Variants in PREPL observed in about 807,000 individuals in gnomAD.
The protein encoded by PREPL is prolyl endopeptidase-like.
Under a neutral mutation model 70.6 loss-of-function variants are expected in PREPL, and 77 were observed. The observed-to-expected ratio is 1.09, with a 90% CI of 0.91 to 1.32. The LOEUF (loss-of-function observed/expected upper bound fraction) is 1.32, where lower values mean the gene tolerates loss of function less well. PREPL is among the 40% of genes most tolerant of loss of function. The pLI is 0.00. For synonymous variants in PREPL, 315 were observed against 264.8 expected (o/e 1.19, Z -1.84); for missense variants, 1,002 against 778.2 (o/e 1.29, Z -3.42).
Position 44,332,596 on chromosome 2 carries a change from A to T in PREPL, c.949T>A (p.Phe317Ile). 4 of 1,613,998 alleles carry T rather than the reference A, an allele frequency of 2.5e-6. No individual in the cohort carries two copies. Among genetic ancestry groups the T allele is most frequent in the Non-Finnish European group, 3.4e-6 (4 of 1,179,874 alleles). The part of the protein sequence containing the change: ...DTNSDPKNCP[F>I]QLCSPIRPPK... ...GGACGTATTGGAGAGCAAAGTTGAAAGGGGCAGTTCTTTGGGTCAGAATTT... is the reference window on the plus strand; with the variant it reads ...GGACGTATTGGAGAGCAAAGTTGAATGGGGCAGTTCTTTGGGTCAGAATTT... Residue 317 changes from phenylalanine (F) to isoleucine (I), a missense_variant, in exon 8 of 14, where the codon TTT (phenylalanine) becomes ATT (isoleucine). Physicochemically the swap from Phe to Ile is conservative, Grantham distance 21 (BLOSUM62 0). Coordinates refer to ENST00000409411, the MANE Select transcript of PREPL (RefSeq NM_001171613.2).
rs1265200867 is a variant in PREPL, at chr2:44,326,796, G to T, written c.1395C>A (p.Thr465=). ...CCCCTCCAGCACTGAAAGCAGTCAG[G>T]GTTGTTAGACTTGGCTGAGAAAAGC... ...GQGFSQPSLT[T]LTAFSAGGVL... The change falls in exon 10 of 14, where the codon ACC becomes ACA. Residue 465 remains threonine (T), a synonymous_variant. Coordinates refer to ENST00000409411, the MANE Select transcript of PREPL (RefSeq NM_001171613.2). 1 of 1,614,130 alleles carries T rather than the reference G, an allele frequency of 6.2e-7. No homozygotes were observed. The highest frequency in any genetic ancestry group is 1.7e-5 in the Admixed American group (1 of 60,020).
In PREPL at chr2:44,327,331, T is replaced by C. The variant is rs184634560; in HGVS notation, c.1263-403A>G. ...CGACTTACCCAGCAATGTGGTGTCATTGCTACAATACAAGTGTATTTAAGG... is the reference window on the plus strand; with the variant it reads ...CGACTTACCCAGCAATGTGGTGTCACTGCTACAATACAAGTGTATTTAAGG... On this transcript the variant is annotated intron_variant, in intron 9 of 13. Transcript: ENST00000409411. 1.6e-3 allele frequency among the ~76,000 whole-genome samples: 237 copies of C among 152,260 alleles called. No homozygotes were observed. In the Middle Eastern group the frequency reaches 0.02, roughly 13 times the overall value.
chr2:44,352,183 A>C (rs1320742869), intron 1 of PREPL, among the ~76,000 whole-genome samples: 5 of 152,088 alleles, frequency 3.3e-5, no homozygotes, highest in Non-Finnish European at 5.9e-5. Context: ...CTGCCTATTC[A>C]CATCTTCCCC....
intron 2 of PREPL, among the ~76,000 whole-genome samples, chr2:44,345,249 A>T: frequency 6.6e-6 from 1 of 152,188 alleles, no homozygotes; most frequent in East Asian, 1.9e-4. Flanking sequence ...GCGTAATTTG[A>T]ATCTGGAGAT....
At chr2:44,321,804 C>G (rs1314890323) in intron 13 of PREPL, 23 bp downstream of exon 13, 3 of 1,613,706 alleles carry the variant, frequency 1.9e-6, no homozygotes, top group Non-Finnish European at 2.5e-6. Flanking sequence ...AATCTGTCCA[C>G]TGAGAGGGCC....
At chr2:44,359,559 G>C (rs1558526167) in intron 1 of PREPL, 1 of 1,613,438 alleles carries the variant, frequency 6.2e-7, no homozygotes, top group Admixed American at 1.7e-5. Flanking sequence ...GGTTTATTCT[G>C]AAGACACTTG....
intron 9 of PREPL, among the ~76,000 whole-genome samples, chr2:44,328,293 A>ACAGTGTG (rs1673731907): frequency 7.8e-6 from 1 of 127,550 alleles, no homozygotes; most frequent in Non-Finnish European, 1.7e-5. Flanking sequence ...AAAAATTCAG[A>ACAGTGTG]CAGTGTGGTG....
At chr2:44,342,355 A>G in intron 5 of PREPL, 62 bp downstream of exon 5, 1 of 1,426,946 alleles carries the variant, frequency 7.0e-7, no homozygotes. Flanking sequence ...AACCAAAGTC[A>G]GTACTTTAAA....
At chr2:44,340,889 C>T (rs549524803) in intron 5 of PREPL, among the ~76,000 whole-genome samples, 10 of 149,620 alleles carry the variant, frequency 6.7e-5, no homozygotes, top group Non-Finnish European at 7.4e-5. Context: ...GATTGCGCCA[C>T]TGCACTCCAG....
At position 44,344,503 on chromosome 2, in the gene PREPL, G is replaced by C. The variant is rs762928182; in HGVS notation, c.142+17C>G. 1.2e-5 allele frequency: 19 copies of C among 1,532,862 alleles called. No homozygotes were observed. Among genetic ancestry groups the C allele is most frequent in the Non-Finnish European group, 1.7e-5 (19 of 1,139,548 alleles). 95.0% of individuals were successfully genotyped at this position (1,532,862 alleles called of 1,614,324 possible). A position where few individuals can be genotyped will look rare whatever the true frequency, so the allele number is the denominator to read the frequency against. ...ATCTGAAAATTAGAGCACGTAAAAA[G>C]AAAAATTGTGGTGTACCTTCTTCAT... On this transcript the variant is annotated intron_variant, in intron 3 of 13. Transcript: ENST00000409411.
chr2:44,345,624 A>G (rs1021178372), intron 2 of PREPL, among the ~76,000 whole-genome samples: 2 of 152,208 alleles, frequency 1.3e-5, no homozygotes, highest in African/African-American at 4.8e-5. Flanking sequence ...CTGGGATTAC[A>G]GGCGTGAGCC....
chr2:44,323,268 T>C lies in PREPL; in HGVS notation c.1623A>G (p.Lys541=), dbSNP rs768191033. Residue 541 remains lysine, a synonymous_variant, in exon 11 of 14, where the codon AAA becomes AAG. Transcript: ENST00000409411. ...CACAATTGTCTTTCACTACCTGAGGTTTAATATTTTGATAGGGACAGTAAC... is the reference window on the plus strand; with the variant it reads ...CACAATTGTCTTTCACTACCTGAGGCTTAATATTTTGATAGGGACAGTAAC... ...IKRYCPYQNI[K]PQHYPSIHIT... 5.6e-6 allele frequency: 9 copies of C among 1,597,908 alleles called. No individual in the cohort carries two copies. In the Admixed American group the frequency reaches 1.4e-4, roughly 25 times the overall value.
chr2:44,353,034 C>T (rs894997869), intron 1 of PREPL, among the ~76,000 whole-genome samples: 27 of 151,036 alleles, frequency 1.8e-4, no homozygotes, highest in Non-Finnish European at 5.9e-5. Flanking sequence ...ATTGCTTGAG[C>T]CCAAGAGCTT....
At position 44,319,544 on chromosome 2, in the gene PREPL, T is replaced by C. The variant is rs1672744912; in HGVS notation, c.*1812A>G. 6.6e-6 allele frequency: 1 copy of C among 152,468 alleles called. No individual in the cohort carries two copies. Among genetic ancestry groups the C allele is most frequent in the Admixed American group, 6.5e-5 (1 of 15,284 alleles). 9.4% of individuals were successfully genotyped at this position (152,468 alleles called of 1,614,324 possible). On this transcript the variant is annotated 3_prime_UTR_variant, in exon 14 of 14. Transcript: ENST00000409411. ...CAATAACAGAAAATGCTTGAAAGGT[T>C]AGAAGTACATCATCAAATTATGTTT...
chr2:44,321,537 A>G, intron 13 of PREPL, 92 bp from the exon 14 acceptor site: 1 of 1,528,272 alleles, frequency 6.5e-7, no homozygotes, highest in South Asian at 1.2e-5. Flanking sequence ...TCTTTACCTA[A>G]CCGTGAAGTC....
intron 5 of PREPL, 66 bp from the exon 6 acceptor site, chr2:44,339,429 A>G: frequency 6.3e-7 from 1 of 1,578,900 alleles, no homozygotes; most frequent in Non-Finnish European, 8.6e-7. Context: ...TGTTAAGGAC[A>G]GTATCTCAGA....
At chr2:44,321,533 C>G (rs1315549404) in intron 13 of PREPL, 88 bp from the exon 14 acceptor site, 1 of 1,539,830 alleles carries the variant, frequency 6.5e-7, no homozygotes, top group African/African-American at 1.4e-5. Flanking sequence ...TCCATCTTTA[C>G]CTAACCGTGA....
chr2:44,321,306 G>C lies in PREPL; in HGVS notation c.*50C>G, dbSNP rs1407191201. On this transcript the variant is annotated 3_prime_UTR_variant, in exon 14 of 14. Transcript: ENST00000409411. ...TTTTTGCTAACTCAATTGGAAGTAA[G>C]ACTATGAAATATTTCAGTGTGTTTC... 2.1e-6 allele frequency: 3 copies of C among 1,416,204 alleles called. No homozygotes were observed. Among genetic ancestry groups the C allele is most frequent in the Non-Finnish European group, 3.0e-6 (3 of 1,014,858 alleles). 87.7% of individuals were successfully genotyped at this position (1,416,204 alleles called of 1,614,324 possible). A position where few individuals can be genotyped will look rare whatever the true frequency, so the allele number is the denominator to read the frequency against.
intron 8 of PREPL, among the ~76,000 whole-genome samples, chr2:44,329,653 C>T (rs1035080486): frequency 3.3e-5 from 5 of 152,042 alleles, no homozygotes; most frequent in African/African-American, 1.2e-4. Context: ...TCTTCAAAGG[C>T]CCATTTAACT....
Sources: allele counts gnomAD v4.1 joint callset (sites outside exome capture counted in the v4.1 genomes callset), GRCh38; gene constraint gnomAD v4.1.1; transcripts MANE v1.5; gene names NCBI Gene and HGNC (gene_info 2026-07-23, HGNC 2026-07-21).